Variants in SESN1 observed in about 807,000 individuals in gnomAD.
SESN1 encodes sestrin 1.
In SESN1, 30 loss-of-function variants were observed where a neutral mutation model predicts 59.3. The ratio of observed to expected loss-of-function variants is 0.51; its 90% CI spans 0.38 to 0.69. SESN1 has a LOEUF of 0.69. Ranked by LOEUF, SESN1 falls within the 30% of genes least tolerant of loss-of-function variation. The probability of loss-of-function intolerance (pLI) is 0.00; values close to 1 mark genes in which losing one functional copy is unlikely to be tolerated. For missense variants in SESN1, 566 were observed against 673.0 expected (o/e 0.84, Z 1.76); for synonymous variants, 197 against 219.9 (o/e 0.90, Z 0.92).
chr6:109,094,034 A>G lies in SESN1; in HGVS notation c.40T>C (p.Cys14Arg). 1 of 1,614,110 alleles carries G rather than the reference A, an allele frequency of 6.2e-7. No individual in the cohort carries two copies. Among genetic ancestry groups the G allele is most frequent in the Non-Finnish European group, 8.5e-7 (1 of 1,179,990 alleles). The change falls in exon 1 of 10, where the codon TGC (cysteine) becomes CGC (arginine). Residue 14 changes from cysteine to arginine, a missense_variant. By Grantham distance (180) the Cys-to-Arg change is radical. Coordinates refer to ENST00000436639, the MANE Select transcript of SESN1 (RefSeq NM_014454.3). ...GENEVRWDGL[C>R]SRDSTTRETA... ...TCCCTAGTAGTTGAATCTCTGCTGC[A>G]GAGTCCATCCCATCTCACTTCATTC...
At chr6:109,030,041 T>A (rs1780156850) in intron 1 of SESN1, among the ~76,000 whole-genome samples, 1 of 152,186 alleles carries the variant, frequency 6.6e-6, no homozygotes, top group Non-Finnish European at 1.5e-5. Context: ...CCAATATAAG[T>A]GGCAGGTAAA....
In SESN1 at chr6:109,008,892, C is replaced by A. The variant is rs1183056068; in HGVS notation, c.280-6549G>T. The A allele has an allele frequency of 1.4e-5, 14 of 986,220 alleles. No individual in the cohort carries two copies. In the Admixed American group the frequency reaches 8.6e-4, roughly 61 times the overall value. 61.1% of individuals were successfully genotyped at this position (986,220 alleles called of 1,614,324 possible). A position where few individuals can be genotyped will look rare whatever the true frequency, so the allele number is the denominator to read the frequency against. ...AGTCAAATGTGTTTTTTTTCTTTCT[C>A]TCTCTTTTAAGTAGGAGGCAAAGGG... On this transcript the variant is annotated intron_variant, in intron 1 of 9. Transcript: ENST00000436639.
intron 1 of SESN1, among the ~76,000 whole-genome samples, chr6:109,057,263 TAG>T (rs1285690043): frequency 6.6e-6 from 1 of 152,234 alleles, no homozygotes. Context: ...TGATATGTTT[TAG>T]GGTAATTTTG....
At chr6:109,054,823 T>G (rs2114447689) in intron 1 of SESN1, among the ~76,000 whole-genome samples, 1 of 152,360 alleles carries the variant, frequency 6.6e-6, no homozygotes, top group African/African-American at 2.4e-5. Flanking sequence ...ATATTTTAAA[T>G]TTAAGGTACT....
intron 1 of SESN1, among the ~76,000 whole-genome samples, chr6:109,085,085 A>C (rs1781190204): frequency 6.6e-6 from 1 of 151,610 alleles, no homozygotes; most frequent in African/African-American, 2.4e-5. Context: ...TTTATGGTAC[A>C]TGTATCTTTA....
chr6:109,014,602 T>G (rs1235684500), intron 1 of SESN1, among the ~76,000 whole-genome samples: 3 of 152,224 alleles, frequency 2.0e-5, no homozygotes, highest in Admixed American at 2.0e-4. Context: ...TCTCCCTTGC[T>G]TTTACTCAGG....
chr6:109,006,720 T>C (rs915720489), intron 1 of SESN1, among the ~76,000 whole-genome samples: 19 of 152,184 alleles, frequency 1.2e-4, no homozygotes, highest in African/African-American at 4.6e-4. Context: ...TTCCATTTTC[T>C]GGAAAACTCA....
intron 4 of SESN1, 88 bp from the exon 5 acceptor site, chr6:108,998,843 CAT>C (rs1779556433): frequency 7.1e-6 from 10 of 1,398,644 alleles, no homozygotes; most frequent in Non-Finnish European, 9.6e-6. Context: ...TTATTGAAAA[CAT>C]GAGTCATCAT....
intron 1 of SESN1, among the ~76,000 whole-genome samples, chr6:109,086,225 C>G (rs950450817): frequency 6.6e-6 from 1 of 152,090 alleles, no homozygotes; most frequent in Non-Finnish European, 1.5e-5. Flanking sequence ...GTGGCGCATA[C>G]CTGTAATCCC....
At chr6:108,990,502 A>C in intron 8 of SESN1, 143 bp downstream of exon 8, 1 of 735,056 alleles carries the variant, frequency 1.4e-6, no homozygotes, top group Non-Finnish European at 2.2e-6. Context: ...TGGTTCTTTG[A>C]AGCATAAATA....
intron 1 of SESN1, among the ~76,000 whole-genome samples, chr6:109,046,641 C>T (rs1318179077): frequency 1.0e-4 from 14 of 139,438 alleles, no homozygotes; most frequent in Non-Finnish European, 1.4e-4. Flanking sequence ...AAGTGAGGAG[C>T]GCCTCTTCCC....
chr6:109,009,320 C>G, intron 1 of SESN1: 1 of 1,454,536 alleles, frequency 6.9e-7, no homozygotes, highest in Non-Finnish European at 9.0e-7. Context: ...CCCACCCGCC[C>G]AGGTACCCAG....
chr6:109,091,108 A>G (rs990994084), intron 1 of SESN1, among the ~76,000 whole-genome samples: 1 of 152,156 alleles, frequency 6.6e-6, no homozygotes. Flanking sequence ...TAATCTTCCT[A>G]TAAGTGGACT....
chr6:109,089,574 G>T (rs1054218431), intron 1 of SESN1, among the ~76,000 whole-genome samples: 1 of 152,070 alleles, frequency 6.6e-6, no homozygotes, highest in South Asian at 2.1e-4. Context: ...TTTCTACTTG[G>T]ATGTCTCATA....
chr6:109,023,006 A>G (rs950522309), intron 1 of SESN1, among the ~76,000 whole-genome samples: 2 of 152,102 alleles, frequency 1.3e-5, no homozygotes, highest in Non-Finnish European at 2.9e-5. Flanking sequence ...CCCCTGCACT[A>G]TGTTCCCTGC....
chr6:108,992,334 G>A (rs1429139722), intron 7 of SESN1, among the ~76,000 whole-genome samples: 2 of 151,838 alleles, frequency 1.3e-5, no homozygotes, highest in African/African-American at 2.4e-5. Context: ...CAGGCTGGTC[G>A]TGGAATGCCT....
intron 1 of SESN1, among the ~76,000 whole-genome samples, chr6:109,009,737 C>G (rs1779822764): frequency 6.6e-6 from 1 of 152,078 alleles, no homozygotes; most frequent in Non-Finnish European, 1.5e-5. Context: ...CTTGGGGGCC[C>G]AGGTTCCCCA....
intron 1 of SESN1, among the ~76,000 whole-genome samples, chr6:109,061,309 T>G (rs936300518): frequency 6.6e-6 from 1 of 152,298 alleles, no homozygotes; most frequent in Non-Finnish European, 1.5e-5. Context: ...CCAAAAAATT[T>G]TTTTCAACAA....
chr6:108,988,828 A>T, intron 8 of SESN1, 141 bp from the exon 9 acceptor site: 1 of 596,864 alleles, frequency 1.7e-6, no homozygotes, highest in Non-Finnish European at 2.8e-6. Flanking sequence ...ATAGAGCTTT[A>T]TAACTGCAGA....
Sources: allele counts gnomAD v4.1 joint callset (sites outside exome capture counted in the v4.1 genomes callset), GRCh38; gene constraint gnomAD v4.1.1; transcripts MANE v1.5; gene names NCBI Gene and HGNC (gene_info 2026-07-23, HGNC 2026-07-21).